TBL1X: variants seen among roughly 807,000 people sequenced by gnomAD.
The protein encoded by TBL1X is transducin beta like 1 X-linked.
TBL1X carries 10 observed loss-of-function variants against 50.7 expected under a neutral mutation model. The ratio of observed to expected loss-of-function variants is 0.20; its 90% CI spans 0.12 to 0.33. The LOEUF (loss-of-function observed/expected upper bound fraction) is 0.33. TBL1X is among the 10% of genes least tolerant of loss of function. The pLI is 1.00. For synonymous variants in TBL1X, 190 were observed against 214.7 expected (o/e 0.88, Z 1.01); for missense variants, 340 against 504.4 (o/e 0.67, Z 3.12).
intron 1 of TBL1X, among the ~76,000 whole-genome samples, chrX:9,469,555 CTTTG>C (rs1305842009): frequency 1.8e-5 from 2 of 112,480 alleles, no homozygotes; most frequent in Admixed American, 9.4e-5. Context: ...TAGTAGTTTG[CTTTG>C]TTTTTTTCCT....
intron 2 of TBL1X, among the ~76,000 whole-genome samples, chrX:9,612,586 G>A (rs1056684151): frequency 1.8e-5 from 2 of 111,388 alleles, no homozygotes; most frequent in East Asian, 2.8e-4. Flanking sequence ...TTCTACAAGC[G>A]ATTCCTATTT....
chrX:9,467,355 G>A (rs914145741), intron 1 of TBL1X, among the ~76,000 whole-genome samples: 1 of 112,000 alleles, frequency 8.9e-6, no homozygotes, highest in Admixed American at 9.4e-5. Context: ...GTTTTCTGCA[G>A]GGCGTCCAGA....
chrX:9,691,887 G>A (rs2083100326), intron 8 of TBL1X, among the ~76,000 whole-genome samples, 176 bp downstream of exon 8: 1 of 112,136 alleles, frequency 8.9e-6, no homozygotes, highest in Non-Finnish European at 1.9e-5. Flanking sequence ...CTCATATTGT[G>A]GAGAAGCCAT....
In TBL1X at chrX:9,565,372, GA is replaced by G. The variant is rs1030340528; in HGVS notation, c.-131+63532del. Among the ~76,000 whole-genome samples the G allele has an allele frequency of 9.3e-5, 10 of 107,651 alleles. No homozygotes were observed. In the South Asian group the frequency reaches 1.6e-3, roughly 17 times the overall value. 93.5% of individuals were successfully genotyped at this position (107,651 alleles called of 115,157 possible). ...ATATATGTGAAATATTGATTTAGCT[GA>G]AAAAAAAAGTTATATGAGCTATCGA... On this transcript the variant is annotated intron_variant, in intron 2 of 17. Transcript: ENST00000645353.
intron 5 of TBL1X, among the ~76,000 whole-genome samples, chrX:9,656,176 A>G (rs1400242281): frequency 2.7e-5 from 3 of 112,426 alleles, no homozygotes; most frequent in Non-Finnish European, 5.6e-5. Context: ...AGCACAGGTG[A>G]TCTCCTGCCT....
chrX:9,715,794 T>C (rs1391898775), intron 17 of TBL1X, among the ~76,000 whole-genome samples: 1 of 108,350 alleles, frequency 9.2e-6, no homozygotes, highest in Non-Finnish European at 1.9e-5. Context: ...CTGGATTTCT[T>C]ATTTTCCCCT....
At chrX:9,636,386 C>T (rs1166803921) in intron 2 of TBL1X, 3 of 110,412 alleles carry the variant, frequency 2.7e-5, no homozygotes, top group Non-Finnish European at 5.7e-5. Flanking sequence ...ATCAAGACCT[C>T]CATCTCTATA....
At chrX:9,481,398 G>C (rs1478713620) in intron 1 of TBL1X, among the ~76,000 whole-genome samples, 1 of 112,066 alleles carries the variant, frequency 8.9e-6, no homozygotes, top group Non-Finnish European at 1.9e-5. Context: ...GTATGCTCTT[G>C]TGAACAAAAT....
intron 2 of TBL1X, among the ~76,000 whole-genome samples, chrX:9,622,055 T>C (rs1869790534): frequency 9.0e-6 from 1 of 111,593 alleles, no homozygotes; most frequent in Non-Finnish European, 1.9e-5. Context: ...TGGTCGATGC[T>C]CATTTTCACT....
intron 2 of TBL1X, among the ~76,000 whole-genome samples, chrX:9,525,787 A>G (rs937901165): frequency 5.4e-5 from 6 of 111,835 alleles, no homozygotes; most frequent in Non-Finnish European, 9.4e-5. Flanking sequence ...TGTAAATTAC[A>G]TTTTTGGACA....
At chrX:9,464,936 G>C (rs1245631656), upstream of TBL1X, 1 of 109,661 alleles carries the variant, frequency 9.1e-6, no homozygotes, top group Non-Finnish European at 1.9e-5. Flanking sequence ...GCTGGTTCGG[G>C]ACGCGGCTCC....
rs1299126095 is a variant in TBL1X, at chrX:9,639,534, AAAC to A, written c.-130-736_-130-734del. 5.3e-5 allele frequency among the ~76,000 whole-genome samples: 6 copies of A among 112,287 alleles called. No homozygotes were observed. The Admixed American group carries it at 5.7e-4, about 11-fold the overall frequency. On this transcript the variant is annotated intron_variant, in intron 2 of 17. Transcript: ENST00000645353. ...AGTGTTTATAGTGACTGAGAAATAA[AAAC>A]AATTTTTGATATAAAGGATTATCAT...
chrX:9,609,411 GGTGTGTGTGT>G (rs749352901), intron 2 of TBL1X, among the ~76,000 whole-genome samples: 2 of 97,801 alleles, frequency 2.0e-5, no homozygotes, highest in African/African-American at 7.6e-5. Context: ...TCCAGGTAGG[GGTGTGTGTGT>G]GTGTGTGTGT....
At chrX:9,688,394 C>T (rs1344762101) in intron 7 of TBL1X, 119 bp downstream of exon 7, 6 of 646,429 alleles carry the variant, frequency 9.3e-6, no homozygotes, top group Non-Finnish European at 2.2e-6. Flanking sequence ...AAGCTGCTCT[C>T]TAGTGTTTGC....
chrX:9,697,243 T>A, intron 11 of TBL1X, 126 bp from the exon 12 acceptor site: 4 of 867,380 alleles, frequency 4.6e-6, no homozygotes, highest in Non-Finnish European at 6.5e-6. Flanking sequence ...TAAGGCTCAC[T>A]CTCTATCTCT....
At chrX:9,510,650 A>G (rs758627012) in intron 2 of TBL1X, among the ~76,000 whole-genome samples, 2 of 112,237 alleles carry the variant, frequency 1.8e-5, no homozygotes, top group Admixed American at 1.9e-4. Context: ...GTACTTAGGA[A>G]TGTTGTTGTG....
chrX:9,493,861 G>A (rs918655253), intron 1 of TBL1X, among the ~76,000 whole-genome samples: 2 of 111,925 alleles, frequency 1.8e-5, no homozygotes, highest in African/African-American at 6.5e-5. Context: ...TTCCTGGAAA[G>A]AACCCTCTCG....
At chrX:9,712,785 TC>T (rs1350321890) in intron 16 of TBL1X, among the ~76,000 whole-genome samples, 1 of 111,819 alleles carries the variant, frequency 8.9e-6, no homozygotes, top group Non-Finnish European at 1.9e-5. Flanking sequence ...ATAGAAGAAT[TC>T]CAGCTGTAAA....
intron 2 of TBL1X, among the ~76,000 whole-genome samples, chrX:9,563,134 C>T (rs973022781): frequency 1.8e-5 from 2 of 112,696 alleles, no homozygotes; most frequent in Non-Finnish European, 3.7e-5. Context: ...CGGAAAGACA[C>T]GGGGAGTAGT....
Sources: allele counts gnomAD v4.1 joint callset (sites outside exome capture counted in the v4.1 genomes callset), GRCh38; gene constraint gnomAD v4.1.1; transcripts MANE v1.5; gene names NCBI Gene and HGNC (gene_info 2026-07-23, HGNC 2026-07-21).